CTNND2: variants seen among roughly 807,000 people sequenced by gnomAD.
CTNND2 encodes the protein catenin delta 2.
CTNND2 carries 22 observed loss-of-function variants against 144.4 expected under a neutral mutation model. That is an observed-to-expected ratio of 0.15 (90% confidence interval 0.11 to 0.22). The LOEUF is 0.22. Ranked by LOEUF, CTNND2 falls within the 10% of genes least tolerant of loss-of-function variation. The probability of loss-of-function intolerance (pLI) is 1.00; values close to 1 mark genes in which losing one functional copy is unlikely to be tolerated. For synonymous variants in CTNND2, 751 were observed against 695.6 expected (o/e 1.08, Z -1.25); for missense variants, 1,353 against 1,618.8 (o/e 0.84, Z 2.82).
intron 3 of CTNND2, among the ~76,000 whole-genome samples, chr5:11,462,989 G>C (rs61758945): frequency 1.3e-5 from 2 of 152,222 alleles, no homozygotes; most frequent in African/African-American, 4.8e-5. Flanking sequence ...ATCAATCTTA[G>C]TCCTGCATTT....
intron 9 of CTNND2, among the ~76,000 whole-genome samples, chr5:11,273,533 T>C (rs1469605220): frequency 6.6e-6 from 1 of 152,230 alleles, no homozygotes; most frequent in Non-Finnish European, 1.5e-5. Context: ...TGCCATAAGC[T>C]TGAAGGAAAA....
intron 1 of CTNND2, among the ~76,000 whole-genome samples, chr5:11,799,859 AAC>A (rs1484729117): frequency 6.6e-6 from 1 of 152,172 alleles, no homozygotes; most frequent in East Asian, 1.9e-4. Flanking sequence ...AAAGTCACAC[AAC>A]ACACAAAGAG....
chr5:11,738,664 C>T (rs1447889930), intron 1 of CTNND2, among the ~76,000 whole-genome samples: 1 of 152,172 alleles, frequency 6.6e-6, no homozygotes, highest in African/African-American at 2.4e-5. Flanking sequence ...ATGACTTACA[C>T]ATCAAGACAT....
At chr5:11,607,575 C>T (rs1156653105) in intron 2 of CTNND2, among the ~76,000 whole-genome samples, 1 of 152,090 alleles carries the variant, frequency 6.6e-6, no homozygotes, top group Non-Finnish European at 1.5e-5. Context: ...AGATCTATGG[C>T]AATTCAATTG....
intron 1 of CTNND2, among the ~76,000 whole-genome samples, chr5:11,873,379 T>G (rs1280780124): frequency 6.6e-6 from 1 of 152,178 alleles, no homozygotes; most frequent in African/African-American, 2.4e-5. Flanking sequence ...TAAGGCAGCA[T>G]GCAGAGGTTA....
At chr5:11,387,020 A>G (rs1171804402) in intron 6 of CTNND2, among the ~76,000 whole-genome samples, 4 of 152,144 alleles carry the variant, frequency 2.6e-5, no homozygotes, top group Non-Finnish European at 5.9e-5. Flanking sequence ...TGGGCTTCTC[A>G]AATCTAGTTG....
At chr5:11,411,302 T>G (rs1012046106) in intron 5 of CTNND2, among the ~76,000 whole-genome samples, 1 of 152,192 alleles carries the variant, frequency 6.6e-6, no homozygotes, top group African/African-American at 2.4e-5. Context: ...TGTCAGTAAT[T>G]AGTGCGAAAA....
intron 1 of CTNND2, among the ~76,000 whole-genome samples, chr5:11,768,491 C>A (rs1320568571): frequency 6.6e-6 from 1 of 152,096 alleles, no homozygotes; most frequent in Non-Finnish European, 1.5e-5. Flanking sequence ...GGTTTTCATC[C>A]TGTTGGCCAG....
chr5:11,507,383 T>C (rs1212434491), intron 3 of CTNND2, among the ~76,000 whole-genome samples: 1 of 152,204 alleles, frequency 6.6e-6, no homozygotes, highest in Non-Finnish European at 1.5e-5. Context: ...GCATACTTTG[T>C]AGAGATAAGG....
At chr5:11,229,606 A>G (rs1326026670) in intron 10 of CTNND2, among the ~76,000 whole-genome samples, 1 of 151,918 alleles carries the variant, frequency 6.6e-6, no homozygotes, top group African/African-American at 2.4e-5. Context: ...ACACTTTTAA[A>G]CCACTAAGAT....
chr5:11,173,563 A>G (rs564343352), intron 11 of CTNND2, among the ~76,000 whole-genome samples: 22 of 152,312 alleles, frequency 1.4e-4, no homozygotes, highest in African/African-American at 5.1e-4. Flanking sequence ...AGAAGTTTCA[A>G]TTTTATCCAC....
At chr5:11,689,587 CT>C (rs757213232) in intron 2 of CTNND2, among the ~76,000 whole-genome samples, 1 of 152,170 alleles carries the variant, frequency 6.6e-6, no homozygotes, top group African/African-American at 2.4e-5. Context: ...TTGTCACTTA[CT>C]TTTTTTCACA....
chr5:11,005,632 A>G (rs1198660494), intron 18 of CTNND2, among the ~76,000 whole-genome samples: 1 of 152,216 alleles, frequency 6.6e-6, no homozygotes, highest in Admixed American at 6.5e-5. Context: ...GATTTCTGAA[A>G]AGAACAACAA....
intron 1 of CTNND2, among the ~76,000 whole-genome samples, chr5:11,892,674 C>A (rs569365218): frequency 6.6e-6 from 1 of 151,986 alleles, no homozygotes; most frequent in South Asian, 2.1e-4. Flanking sequence ...TAGACAGCAC[C>A]TTCTTTGGGC....
At chr5:11,797,478 A>G (rs1791463321) in intron 1 of CTNND2, among the ~76,000 whole-genome samples, 1 of 152,202 alleles carries the variant, frequency 6.6e-6, no homozygotes. Flanking sequence ...AAAGACAAAA[A>G]TGCATAAATA....
intron 3 of CTNND2, among the ~76,000 whole-genome samples, chr5:11,535,895 T>C (rs1774173356): frequency 6.6e-6 from 1 of 152,152 alleles, no homozygotes; most frequent in Non-Finnish European, 1.5e-5. Flanking sequence ...TTTCCAACTA[T>C]AAAAAAGGGT....
At chr5:11,867,380 A>G (rs1582032604) in intron 1 of CTNND2, among the ~76,000 whole-genome samples, 1 of 152,354 alleles carries the variant, frequency 6.6e-6, no homozygotes, top group Non-Finnish European at 1.5e-5. Flanking sequence ...AGAAAACATT[A>G]CAGGCAAGGA....
chr5:11,245,587 C>T (rs1742915727), intron 9 of CTNND2, among the ~76,000 whole-genome samples: 3 of 152,164 alleles, frequency 2.0e-5, no homozygotes, highest in Admixed American at 2.0e-4. Flanking sequence ...ACAGTTTCCC[C>T]TAGAACCTCT....
intron 2 of CTNND2, among the ~76,000 whole-genome samples, chr5:11,614,673 G>C (rs967943639): frequency 3.3e-5 from 5 of 152,222 alleles, no homozygotes; most frequent in Non-Finnish European, 7.3e-5. Context: ...TGTGGGTATA[G>C]TCACATGACG....
Sources: gnomAD v4.1 joint callset for allele counts (sites outside exome capture counted in the v4.1 genomes callset) on GRCh38, gnomAD v4.1.1 for gene constraint, MANE v1.5 for transcripts, NCBI Gene and HGNC (gene_info 2026-07-23, HGNC 2026-07-21) for gene names.